MLXIP: variants seen among roughly 807,000 people sequenced by gnomAD.
MLXIP encodes MLX-interacting protein.
A neutral mutation model predicts 87.2 loss-of-function variants in MLXIP; 30 were observed. The ratio of observed to expected loss-of-function variants is 0.34; its 90% CI spans 0.26 to 0.47. MLXIP has a LOEUF of 0.47. Among genes scored for constraint, MLXIP ranks in the 20% least tolerant of loss-of-function variants. The pLI is 1.00. For synonymous variants in MLXIP, 530 were observed against 514.0 expected (o/e 1.03, Z -0.42); for missense variants, 1,002 against 1,240.1 (o/e 0.81, Z 2.88).
At chr12:122,095,406 T>C (rs1183247148) in intron 1 of MLXIP, among the ~76,000 whole-genome samples, 2 of 152,038 alleles carry the variant, frequency 1.3e-5, no homozygotes, top group Non-Finnish European at 2.9e-5. Flanking sequence ...GGATCTGATT[T>C]GGAAAGGTGT....
intron 1 of MLXIP, among the ~76,000 whole-genome samples, chr12:122,109,199 C>G (rs1952565678): frequency 6.6e-6 from 1 of 151,918 alleles, no homozygotes; most frequent in Non-Finnish European, 1.5e-5. Flanking sequence ...TCCCAAAGTG[C>G]TGGGATTACA....
intron 1 of MLXIP, among the ~76,000 whole-genome samples, chr12:122,112,308 G>A (rs1952616507): frequency 6.6e-6 from 1 of 152,170 alleles, no homozygotes; most frequent in Non-Finnish European, 1.5e-5. Context: ...TTTCTCCCCA[G>A]ATGAATCAGA....
chr12:122,140,782 G>A (rs754620304), intron 15 of MLXIP, 172 bp from the exon 16 acceptor site: 30 of 996,094 alleles, frequency 3.0e-5, no homozygotes, highest in Non-Finnish European at 4.2e-5. Context: ...TTTTCATGAA[G>A]TGGAAGACAC....
At chr12:122,129,433 G>A (rs538407244) in intron 4 of MLXIP, 155 bp from the exon 5 acceptor site, 46 of 444,130 alleles carry the variant, frequency 1.0e-4, no homozygotes, top group African/African-American at 9.4e-4. Context: ...TTCCCCATCT[G>A]TGCACTGGGT....
chr12:122,116,667 T>C (rs763693798), intron 1 of MLXIP, among the ~76,000 whole-genome samples: 15 of 152,172 alleles, frequency 9.9e-5, no homozygotes, highest in Non-Finnish European at 1.9e-4. Context: ...GGCTTGAATC[T>C]GACAGGAAAC....
At chr12:122,101,574 C>T (rs1481801727) in intron 1 of MLXIP, among the ~76,000 whole-genome samples, 280 of 61,444 alleles carry the variant, frequency 4.6e-3, no homozygotes, top group African/African-American at 0.011. Flanking sequence ...TTATTTTTTT[C>T]TTTTTTTTTC....
chr12:122,102,323 TA>T (rs1952449875), intron 1 of MLXIP, among the ~76,000 whole-genome samples: 1 of 152,102 alleles, frequency 6.6e-6, no homozygotes, highest in Admixed American at 6.5e-5. Flanking sequence ...AAATGGCCAA[TA>T]AACATGTGAA....
At chr12:122,093,965 ATG>A (rs1418520235) in intron 1 of MLXIP, among the ~76,000 whole-genome samples, 3 of 89,868 alleles carry the variant, frequency 3.3e-5, no homozygotes, top group South Asian at 4.0e-4. Flanking sequence ...GTGTGTTGGC[ATG>A]TGTGTGTGGT....
At chr12:122,083,338 A>AG (rs1385533097) in intron 1 of MLXIP, among the ~76,000 whole-genome samples, 2 of 152,110 alleles carry the variant, frequency 1.3e-5, no homozygotes, top group Non-Finnish European at 2.9e-5. Context: ...GACTTAAATT[A>AG]GGGCTTGTAA....
intron 1 of MLXIP, among the ~76,000 whole-genome samples, chr12:122,112,761 T>C (rs1026981292): frequency 6.6e-6 from 1 of 152,122 alleles, no homozygotes; most frequent in African/African-American, 2.4e-5. Flanking sequence ...TTTAGTTTAA[T>C]GGGGAAAGAT....
intron 15 of MLXIP, among the ~76,000 whole-genome samples, chr12:122,139,617 C>G (rs182030658): frequency 6.6e-6 from 1 of 152,166 alleles, no homozygotes; most frequent in Non-Finnish European, 1.5e-5. Context: ...CTGCAGCTAT[C>G]GGGCAGGGCA....
chr12:122,130,745 A>T, intron 6 of MLXIP, 99 bp from the exon 7 acceptor site: 1 of 821,704 alleles, frequency 1.2e-6, no homozygotes, highest in Non-Finnish European at 2.1e-6. Context: ...AGACTCTGGG[A>T]TGTGAGCAGG....
At chr12:122,117,760 C>T (rs1023812670) in intron 1 of MLXIP, among the ~76,000 whole-genome samples, 2 of 152,042 alleles carry the variant, frequency 1.3e-5, no homozygotes, top group East Asian at 1.9e-4. Context: ...CAGATAGTGC[C>T]GAACCCTGTA....
rs1952950259 is a variant in MLXIP at position 122,130,069 on chromosome 12, T to G, written c.867T>G (p.Leu289=). The G allele has an allele frequency of 6.2e-7, 1 of 1,613,948 alleles. No homozygotes were observed. Among genetic ancestry groups the G allele is most frequent in the African/African-American group, 1.3e-5 (1 of 75,048 alleles). The stretch of plus-strand genomic sequence containing the variant: ...TCAGCGACACCCTCTTCTCCACACT[T>G]TCTTCACACCAGCCGGTGGCCTGGC... The part of the protein sequence containing the change: ...SEFSDTLFST[L]SSHQPVAWPN... The change falls in exon 6 of 17, where the codon CTT becomes CTG. Residue 289 remains leucine (L), a synonymous_variant. Coordinates refer to ENST00000319080, the MANE Select transcript of MLXIP (RefSeq NM_014938.6).
Position 122,133,993 on chromosome 12 carries a change from C to T in MLXIP, c.1732+6C>T. ...GAATGCCCGTATCGCCCCAGGTGAG[C>T]CAGGCGGGGAGACTCAGTGCGGGGC... On this transcript the variant is annotated splice_donor_region_variant and intron_variant, in intron 9 of 16. Transcript: ENST00000319080. This position sits in a 1 kb window ranked among gnomAD's most constrained non-coding sequence, Gnocchi z 4.9. The T allele has an allele frequency of 3.1e-6, 5 of 1,591,052 alleles. No homozygotes were observed. The highest frequency in any genetic ancestry group is 1.1e-5 in the South Asian group (1 of 87,810).
At position 122,137,253 on chromosome 12, in the gene MLXIP, G is replaced by A; in HGVS notation, c.2033-216G>A. The A allele has an allele frequency of 2.2e-6, 1 of 460,334 alleles. No individual in the cohort carries two copies. Among genetic ancestry groups the A allele is most frequent in the Non-Finnish European group, 3.7e-6 (1 of 267,076 alleles). 28.5% of individuals were successfully genotyped at this position (460,334 alleles called of 1,614,324 possible). The stretch of plus-strand genomic sequence containing the variant: ...ACACAGGGTTGCTCCATCGTGTTCT[G>A]TGTGGATTAAGGGTGTTTTTGTTGT... On this transcript the variant is annotated intron_variant, in intron 11 of 16. Coordinates refer to ENST00000319080, the MANE Select transcript of MLXIP (RefSeq NM_014938.6). This position sits in a 1 kb window ranked among gnomAD's most constrained non-coding sequence, Gnocchi z 4.1.
In MLXIP at chr12:122,141,946, A is replaced by T; in HGVS notation, c.*134A>T. On this transcript the variant is annotated 3_prime_UTR_variant, in exon 17 of 17. Transcript: ENST00000319080. Reference sequence around the variant, plus strand: ...TCCAACTCTGCCGGCCCACCGTGGCATCGGGAGGCCATGCTCAGGTCTGAA... The same window carrying T: ...TCCAACTCTGCCGGCCCACCGTGGCTTCGGGAGGCCATGCTCAGGTCTGAA... 7.3e-7 allele frequency: 1 copy of T among 1,371,174 alleles called. No individual in the cohort carries two copies. The highest frequency in any genetic ancestry group is 9.9e-7 in the Non-Finnish European group (1 of 1,013,232). 84.9% of individuals were successfully genotyped at this position (1,371,174 alleles called of 1,614,324 possible).
chr12:122,094,484 T>A (rs1401405751), intron 1 of MLXIP, among the ~76,000 whole-genome samples: 1 of 126,010 alleles, frequency 7.9e-6, no homozygotes, highest in East Asian at 2.4e-4. Flanking sequence ...TGTGTGGGTG[T>A]GTGTTTGCAA....
intron 12 of MLXIP, 21 bp from the exon 13 acceptor site, chr12:122,138,173 G>T: frequency 6.3e-7 from 1 of 1,577,376 alleles, no homozygotes; most frequent in South Asian, 1.2e-5. Flanking sequence ...CTGTCTTAGT[G>T]ACCAGCGGGT....
Sources: gnomAD v4.1 joint callset for allele counts (sites outside exome capture counted in the v4.1 genomes callset) on GRCh38, gnomAD v4.1.1 for gene constraint, Gnocchi (gnomAD v3.1) non-coding constraint, MANE v1.5 for transcripts, NCBI Gene and HGNC (gene_info 2026-07-23, HGNC 2026-07-21) for gene names.